Variants in GET1 observed in about 807,000 individuals in gnomAD.
GET1 encodes the protein guided entry of tail-anchored proteins factor 1, also known as congenital heart disease 5 protein.
In GET1, 20 loss-of-function variants were observed where a neutral mutation model predicts 22.6. The ratio of observed to expected loss-of-function variants is 0.89; its 90% CI spans 0.62 to 1.29. The LOEUF is 1.29. Ranked by LOEUF, GET1 falls within the 50% of genes most tolerant of loss-of-function variation. GET1 has a pLI of 0.00. For synonymous variants in GET1, 92 were observed against 83.8 expected (o/e 1.10, Z -0.53); for missense variants, 209 against 219.9 (o/e 0.95, Z 0.31).
At chr21:39,388,431 T>C (rs1311773591) in intron 1 of GET1, among the ~76,000 whole-genome samples, 2 of 152,244 alleles carry the variant, frequency 1.3e-5, no homozygotes, top group Non-Finnish European at 2.9e-5. Flanking sequence ...TTCGGAATCA[T>C]GCATTGCATT....
intron 4 of GET1, among the ~76,000 whole-genome samples, chr21:39,393,557 T>C (rs938959939): frequency 2.6e-5 from 4 of 152,224 alleles, no homozygotes; most frequent in African/African-American, 9.6e-5. Flanking sequence ...TGATACCCCA[T>C]TGAAACACTA....
exon 5 of GET1, chr21:39,406,315 G>C: frequency 6.2e-7 from 1 of 1,614,210 alleles, no homozygotes; most frequent in Non-Finnish European, 8.5e-7. Flanking sequence ...AGTTGCTTCT[G>C]TGAATGAGTA....
downstream of GET1, chr21:39,406,684 G>A: frequency 8.7e-7 from 1 of 1,153,664 alleles, no homozygotes; most frequent in Non-Finnish European, 1.2e-6. Context: ...GGCATGTCTA[G>A]TACACTTACG....
At chr21:39,380,722 T>C in intron 1 of GET1, 3 of 1,246,570 alleles carry the variant, frequency 2.4e-6, no homozygotes, top group East Asian at 6.9e-5. Flanking sequence ...CCCTGGACTC[T>C]TCTGGCTGTG....
chr21:39,396,272 G>A (rs2038639829), intron 4 of GET1, among the ~76,000 whole-genome samples: 1 of 152,120 alleles, frequency 6.6e-6, no homozygotes, highest in African/African-American at 2.4e-5. Flanking sequence ...CGGGTGCGGT[G>A]GCTCATGCCT....
intron 1 of GET1, among the ~76,000 whole-genome samples, chr21:39,414,784 G>A (rs974269599): frequency 1.3e-5 from 2 of 148,502 alleles, no homozygotes; most frequent in African/African-American, 5.0e-5. Flanking sequence ...GTGTGTCTGT[G>A]CATATTTTAC....
chr21:39,419,946 A>T (rs528331715), intron 1 of GET1, among the ~76,000 whole-genome samples: 2 of 152,296 alleles, frequency 1.3e-5, no homozygotes, highest in East Asian at 3.9e-4. Flanking sequence ...TTTCAAACAC[A>T]TTTTTAAGTA....
intron 1 of GET1, among the ~76,000 whole-genome samples, chr21:39,381,582 T>C (rs1254849957): frequency 6.6e-6 from 1 of 152,200 alleles, no homozygotes; most frequent in East Asian, 1.9e-4. Flanking sequence ...GTCTTTAAGA[T>C]GATGTCTCAG....
At chr21:39,405,296 T>C (rs530973921) in intron 4 of GET1, among the ~76,000 whole-genome samples, 7 of 152,220 alleles carry the variant, frequency 4.6e-5, no homozygotes, top group African/African-American at 1.4e-4. Context: ...TGGGCACAAG[T>C]GATTCTTTGA....
intron 1 of GET1, chr21:39,422,687 T>A: frequency 2.0e-6 from 1 of 495,598 alleles, no homozygotes; most frequent in Non-Finnish European, 3.5e-6. Context: ...CTTAGCACTG[T>A]AGCTGTGCTC....
In GET1 at chr21:39,390,642, G is replaced by A. The variant is rs75577140; in HGVS notation, c.103-56G>A. On this transcript the variant is annotated intron_variant, in intron 1 of 4. Coordinates refer to ENST00000649170, the MANE Select transcript of GET1 (RefSeq NM_004627.6). ...AGACAGAAAGTAGCGGGGGACTGGG[G>A]AACCCTCCTGTGACCCGTGTTGGAA... is the stretch of plus-strand genomic sequence containing the variant. 9.2e-3 allele frequency: 14,743 copies of A among 1,597,424 alleles called. 1,405 individuals carry two copies. In the East Asian group the frequency reaches 0.24, roughly 26 times the overall value.
At chr21:39,407,582 C>T (rs181643252), downstream of GET1, among the ~76,000 whole-genome samples, 138 of 152,278 alleles carry the variant, frequency 9.1e-4, no homozygotes, top group Middle Eastern at 6.8e-3. Flanking sequence ...AGGTATGGCA[C>T]GTGCAGTCTG....
chr21:39,417,836 G>C (rs9975823), intron 1 of GET1, among the ~76,000 whole-genome samples: 1 of 151,832 alleles, frequency 6.6e-6, no homozygotes, highest in African/African-American at 2.4e-5. Context: ...CGTGATCTCC[G>C]CTCACTGCAA....
chr21:39,415,549 G>A (rs1033595254), intron 1 of GET1, among the ~76,000 whole-genome samples: 1 of 152,020 alleles, frequency 6.6e-6, no homozygotes, highest in Non-Finnish European at 1.5e-5. Context: ...GCAAACAAGG[G>A]TATCCCTTTT....
chr21:39,407,240 A>C (rs1184297967), downstream of GET1, among the ~76,000 whole-genome samples: 1 of 152,194 alleles, frequency 6.6e-6, no homozygotes, highest in Non-Finnish European at 1.5e-5. Context: ...AAAACAAAAC[A>C]AAACAGAACA....
intron 1 of GET1, among the ~76,000 whole-genome samples, chr21:39,413,033 G>T (rs141769089): frequency 6.6e-6 from 1 of 152,174 alleles, no homozygotes; most frequent in Admixed American, 6.5e-5. Flanking sequence ...GCATCTCAGA[G>T]CATTTGCATC....
At chr21:39,401,972 A>G (rs1412906099), downstream of GET1, among the ~76,000 whole-genome samples, 1 of 152,090 alleles carries the variant, frequency 6.6e-6, no homozygotes, top group Non-Finnish European at 1.5e-5. Context: ...AGGGCTCCCT[A>G]TTCCTTAAGA....
At chr21:39,392,243 A>AG (rs1322585025) in intron 3 of GET1, among the ~76,000 whole-genome samples, 1 of 152,160 alleles carries the variant, frequency 6.6e-6, no homozygotes, top group Non-Finnish European at 1.5e-5. Flanking sequence ...CTCCAGGTAG[A>AG]GAACCAGCTT....
At chr21:39,391,650 C>T (rs1376549088) in intron 2 of GET1, 119 bp from the exon 3 acceptor site, 8 of 943,126 alleles carry the variant, frequency 8.5e-6, no homozygotes, top group South Asian at 1.5e-5. Context: ...ATATGTTGAG[C>T]GATTGTTCCA....
Sources: allele counts gnomAD v4.1 joint callset (sites outside exome capture counted in the v4.1 genomes callset), GRCh38; gene constraint gnomAD v4.1.1; transcripts MANE v1.5; gene names NCBI Gene and HGNC (gene_info 2026-07-23, HGNC 2026-07-21).